The following ZFAT variants were observed in gnomAD, a reference collection of about 807,000 sequenced individuals.
ZFAT encodes zinc finger protein ZFAT.
A neutral mutation model predicts 117.7 loss-of-function variants in ZFAT; 64 were observed. The ratio of observed to expected loss-of-function variants is 0.54; its 90% CI spans 0.44 to 0.67. ZFAT has a LOEUF of 0.67. Ranked by LOEUF, ZFAT falls within the 30% of genes least tolerant of loss-of-function variation. The pLI, the probability that ZFAT is intolerant of heterozygous loss-of-function variation, is 0.00. For synonymous variants in ZFAT, 679 were observed against 615.0 expected (o/e 1.10, Z -1.54); for missense variants, 1,433 against 1,584.5 (o/e 0.90, Z 1.62).
At chr8:134,679,972 TAGGAGAAATACCTA>T (rs1832991170) in intron 1 of ZFAT, among the ~76,000 whole-genome samples, 1 of 151,782 alleles carries the variant, frequency 6.6e-6, no homozygotes, top group Non-Finnish European at 1.5e-5. Flanking sequence ...GGGATAGCAT[TAGGAGAAATACCTA>T]ATGCAGATGA....
At chr8:134,520,676 C>A (rs1488489031) in intron 13 of ZFAT, among the ~76,000 whole-genome samples, 2 of 152,224 alleles carry the variant, frequency 1.3e-5, no homozygotes, top group Middle Eastern at 3.4e-3. Context: ...AAATTCAACC[C>A]AGAATAAGAA....
chr8:134,532,233 T>G (rs1479260010), intron 12 of ZFAT, among the ~76,000 whole-genome samples: 1 of 152,210 alleles, frequency 6.6e-6, no homozygotes, highest in Non-Finnish European at 1.5e-5. Flanking sequence ...TGTCTTTTTT[T>G]TCTTTTCAGG....
the ZFAT span, among the ~76,000 whole-genome samples, chr8:134,730,134 C>T: frequency 1.2e-4 from 19 of 152,254 alleles, no homozygotes; most frequent in African/African-American, 3.6e-4. Context: ...AAGTCTGGCC[C>T]GGGAATTTCT....
the ZFAT span, among the ~76,000 whole-genome samples, chr8:134,719,459 C>CAGA: frequency 6.6e-6 from 1 of 151,768 alleles, no homozygotes; most frequent in African/African-American, 2.4e-5. Context: ...GCAGCAGCAG[C>CAGA]GAGGGTGAGA....
At chr8:134,688,364 A>C (rs1046078057) in intron 1 of ZFAT, among the ~76,000 whole-genome samples, 2 of 152,244 alleles carry the variant, frequency 1.3e-5, no homozygotes, top group Non-Finnish European at 2.9e-5. Flanking sequence ...ACAAATGCAC[A>C]TACAGCACAC....
chr8:134,628,998 A>G (rs562584844), intron 3 of ZFAT, among the ~76,000 whole-genome samples: 1 of 152,252 alleles, frequency 6.6e-6, no homozygotes, highest in African/African-American at 2.4e-5. Flanking sequence ...TGGTGTACAC[A>G]GAGCATGAAT....
chr8:134,708,956 A>ATTAAT (rs199828078), intron 1 of ZFAT, among the ~76,000 whole-genome samples: 1 of 151,788 alleles, frequency 6.6e-6, no homozygotes, highest in African/African-American at 2.4e-5. Flanking sequence ...GTGCCAATAA[A>ATTAAT]TTAATTTAAT....
chr8:134,524,761 T>C (rs1268743317), intron 12 of ZFAT, among the ~76,000 whole-genome samples: 2 of 152,228 alleles, frequency 1.3e-5, no homozygotes, highest in African/African-American at 4.8e-5. Flanking sequence ...CCTCTCCTGG[T>C]ATTGCACATG....
the ZFAT span, among the ~76,000 whole-genome samples, chr8:134,731,580 AC>A: frequency 1.3e-5 from 2 of 152,262 alleles, no homozygotes; most frequent in African/African-American, 4.8e-5. Flanking sequence ...ACCTTAATTT[AC>A]AAAAGCAGAT....
the ZFAT span, among the ~76,000 whole-genome samples, chr8:134,764,060 T>A: frequency 6.6e-6 from 1 of 152,208 alleles, no homozygotes. Context: ...GCCAGCTCCA[T>A]TATTTAAATA....
chr8:134,740,835 G>C, the ZFAT span, among the ~76,000 whole-genome samples: 1 of 152,132 alleles, frequency 6.6e-6, no homozygotes, highest in Admixed American at 6.6e-5. Flanking sequence ...AAGCTAATCA[G>C]TAAGACAATG....
At chr8:134,695,236 G>A (rs1204495831) in intron 1 of ZFAT, among the ~76,000 whole-genome samples, 2 of 151,926 alleles carry the variant, frequency 1.3e-5, no homozygotes, top group African/African-American at 4.9e-5. Context: ...CCTCGCAGAC[G>A]CTCTGAGAAG....
At chr8:134,660,140 T>G (rs1302584544) in intron 1 of ZFAT, among the ~76,000 whole-genome samples, 1 of 152,172 alleles carries the variant, frequency 6.6e-6, no homozygotes, top group Non-Finnish European at 1.5e-5. Flanking sequence ...AATCCTACAA[T>G]AATCCAATGA....
chr8:134,684,035 C>G (rs1833197791), intron 1 of ZFAT, among the ~76,000 whole-genome samples: 1 of 152,176 alleles, frequency 6.6e-6, no homozygotes, highest in African/African-American at 2.4e-5. Flanking sequence ...TGATAAAAAG[C>G]TTTCCACTTG....
At chr8:134,762,560 G>T in the ZFAT span, among the ~76,000 whole-genome samples, 2 of 152,082 alleles carry the variant, frequency 1.3e-5, no homozygotes, top group Non-Finnish European at 2.9e-5. Flanking sequence ...AGTATTGTTT[G>T]CTAGTTTCTC....
Position 134,544,216 on chromosome 8 carries a change from C to T in ZFAT, c.2977-11244G>A, listed in dbSNP as rs1822511299. ...CCACCTGCCTCTCCAGGTCCGCCCT[C>T]CACAGGCTGCAAATCCTTTGAGAGT... On this transcript the variant is annotated intron_variant, in intron 11 of 15. Coordinates refer to ENST00000377838, the MANE Select transcript of ZFAT (RefSeq NM_020863.4). Among the ~76,000 whole-genome samples the T allele has an allele frequency of 2.0e-5, 3 of 152,210 alleles. No individual in the cohort carries two copies. In the South Asian group the frequency reaches 6.2e-4, roughly 32 times the overall value.
the ZFAT span, among the ~76,000 whole-genome samples, chr8:134,771,614 G>A: frequency 3.3e-5 from 5 of 152,280 alleles, no homozygotes; most frequent in South Asian, 8.3e-4. Context: ...AAGTCTCTAA[G>A]AAGTTCCAAA....
At chr8:134,531,529 T>C (rs1268591803) in intron 12 of ZFAT, among the ~76,000 whole-genome samples, 1 of 152,194 alleles carries the variant, frequency 6.6e-6, no homozygotes, top group African/African-American at 2.4e-5. Flanking sequence ...CTCTCCACCA[T>C]CGTGGAAGAT....
intron 1 of ZFAT, among the ~76,000 whole-genome samples, chr8:134,666,322 G>T (rs75660395): frequency 0.012 from 1,823 of 152,310 alleles, 19 homozygotes; most frequent in Middle Eastern, 0.02. Flanking sequence ...AACAGTGTCA[G>T]ATGGAGCCTG....
Sources: allele counts gnomAD v4.1 joint callset (sites outside exome capture counted in the v4.1 genomes callset), GRCh38; gene constraint gnomAD v4.1.1; transcripts MANE v1.5; gene names NCBI Gene and HGNC (gene_info 2026-07-23, HGNC 2026-07-21).